TMEM181: variants seen among roughly 807,000 people sequenced by gnomAD.
TMEM181 encodes the protein G protein-coupled receptor 178.
TMEM181 carries 39 observed loss-of-function variants against 71.9 expected under a neutral mutation model. That is an observed-to-expected ratio of 0.54 (90% CI 0.42 to 0.71). The LOEUF (loss-of-function observed/expected upper bound fraction) is 0.71, where lower values mean the gene tolerates loss of function less well. Ranked by LOEUF, TMEM181 falls within the 30% of genes least tolerant of loss-of-function variation. The probability of loss-of-function intolerance (pLI) is 0.00; values close to 1 mark genes in which losing one functional copy is unlikely to be tolerated. For missense variants in TMEM181, 595 were observed against 583.0 expected (o/e 1.02, Z -0.21); for synonymous variants, 245 against 228.8 (o/e 1.07, Z -0.64).
chr6:158,542,054 C>T (rs375224317), intron 1 of TMEM181, among the ~76,000 whole-genome samples: 1 of 151,882 alleles, frequency 6.6e-6, no homozygotes. Context: ...TACAGGCATG[C>T]GCCACTATGC....
chr6:158,575,397 T>C (rs898589448), intron 2 of TMEM181, among the ~76,000 whole-genome samples: 42 of 152,116 alleles, frequency 2.8e-4, no homozygotes, highest in Non-Finnish European at 5.3e-4. Context: ...GGTGCAATCT[T>C]GGCTCACTGC....
intron 10 of TMEM181, among the ~76,000 whole-genome samples, chr6:158,617,987 G>A (rs1256041525): frequency 6.6e-6 from 1 of 152,182 alleles, no homozygotes; most frequent in Non-Finnish European, 1.5e-5. Flanking sequence ...GTAGATGTCT[G>A]TTAGACCTGC....
intron 2 of TMEM181, among the ~76,000 whole-genome samples, chr6:158,578,644 T>C (rs1195015312): frequency 6.6e-6 from 1 of 152,196 alleles, no homozygotes; most frequent in Admixed American, 6.5e-5. Flanking sequence ...TAGAGTGTTA[T>C]AACTTTAGGA....
intron 1 of TMEM181, among the ~76,000 whole-genome samples, chr6:158,546,131 A>T (rs562606564): frequency 2.0e-5 from 3 of 152,152 alleles, no homozygotes; most frequent in Non-Finnish European, 4.4e-5. Flanking sequence ...ATTACTTCCT[A>T]TTCCATCTGG....
At chr6:158,608,248 G>A in intron 8 of TMEM181, 85 bp from the exon 9 acceptor site, 1 of 1,542,048 alleles carries the variant, frequency 6.5e-7, no homozygotes, top group Non-Finnish European at 8.8e-7. Context: ...TCTGCTAGGT[G>A]CTGACCCCGC....
chr6:158,591,477 G>A (rs563600283), intron 6 of TMEM181, among the ~76,000 whole-genome samples: 1 of 152,148 alleles, frequency 6.6e-6, no homozygotes, highest in African/African-American at 2.4e-5. Context: ...CTGGGGTCTG[G>A]TCTTTGCTGT....
chr6:158,627,300 C>A (rs1029094027), intron 13 of TMEM181, among the ~76,000 whole-genome samples: 1 of 152,240 alleles, frequency 6.6e-6, no homozygotes, highest in African/African-American at 2.4e-5. Flanking sequence ...GCCATGTGAT[C>A]TCTCTTCACA....
intron 6 of TMEM181, among the ~76,000 whole-genome samples, chr6:158,598,893 C>T (rs959123445): frequency 6.6e-6 from 1 of 152,004 alleles, no homozygotes; most frequent in Admixed American, 6.6e-5. Context: ...GATCTCCTGA[C>T]CTCGTGATCC....
intron 8 of TMEM181, among the ~76,000 whole-genome samples, chr6:158,608,010 G>A (rs953976776): frequency 5.9e-5 from 9 of 152,242 alleles, no homozygotes; most frequent in African/African-American, 1.9e-4. Flanking sequence ...AGTGGCATAC[G>A]GCGCTCTGTC....
rs1583054310 is a variant in TMEM181, at chr6:158,625,030, G to A, written c.955-74G>A. The A allele has an allele frequency of 1.4e-5, 16 of 1,177,534 alleles. No individual in the cohort carries two copies. In the East Asian group the frequency reaches 3.5e-4, roughly 26 times the overall value. The allele number at this position is 1,177,534 out of a possible 1,614,324, so 72.9% of individuals were successfully genotyped here. A position where few individuals can be genotyped will look rare whatever the true frequency, so the allele number is the denominator to read the frequency against. On this transcript the variant is annotated intron_variant, in intron 11 of 16. Coordinates refer to ENST00000684151, the MANE Select transcript of TMEM181 (RefSeq NM_001376852.1). Reference sequence around the variant, plus strand: ...CCTTCTAAAAACCTGTGGCTTTCCTGCCTGTGGTGGTGCTGGGAGGAGAAG... The same window carrying A: ...CCTTCTAAAAACCTGTGGCTTTCCTACCTGTGGTGGTGCTGGGAGGAGAAG...
At chr6:158,626,541 C>T (rs969970196) in intron 13 of TMEM181, 2 of 456,384 alleles carry the variant, frequency 4.4e-6, no homozygotes, top group South Asian at 1.5e-5. Context: ...CTGGGAGTCC[C>T]CACCTTGTGG....
chr6:158,606,989 C>T lies in TMEM181; in HGVS notation c.574-255C>T, dbSNP rs141101061. ...CAGGGATTACGTTCCTTCTCCTTTC[C>T]TGCTCCTGTGAGGACAGCTCGGAAC... On this transcript the variant is annotated intron_variant, in intron 7 of 16. Coordinates refer to ENST00000684151, the MANE Select transcript of TMEM181 (RefSeq NM_001376852.1). 2.3e-4 allele frequency among the ~76,000 whole-genome samples: 35 copies of T among 152,334 alleles called. No individual in the cohort carries two copies. In the East Asian group the frequency reaches 6.4e-3, roughly 28 times the overall value.
At chr6:158,537,516 C>T (rs1048958956) in intron 1 of TMEM181, among the ~76,000 whole-genome samples, 1 of 152,100 alleles carries the variant, frequency 6.6e-6, no homozygotes, top group South Asian at 2.1e-4. Context: ...GACTGCAGAC[C>T]CTGGCGCCGG....
chr6:158,536,671 A>C (rs1035792632), exon 1 of TMEM181: 8 of 1,515,052 alleles, frequency 5.3e-6, no homozygotes, highest in Non-Finnish European at 7.1e-6. Context: ...GGGAGAAGAG[A>C]GGGGGCGCAG....
chr6:158,566,559 C>T (rs1422345105), intron 1 of TMEM181, among the ~76,000 whole-genome samples: 2 of 42,676 alleles, frequency 4.7e-5, no homozygotes, highest in Admixed American at 3.0e-4. Flanking sequence ...GGAGGTGATA[C>T]GGTGAGGGAG....
At chr6:158,550,663 G>GA (rs78160904) in intron 1 of TMEM181, among the ~76,000 whole-genome samples, 17 of 149,656 alleles carry the variant, frequency 1.1e-4, no homozygotes, top group Non-Finnish European at 1.8e-4. Flanking sequence ...TCAAAAAAAA[G>GA]AAAAAAAAAT....
intron 6 of TMEM181, among the ~76,000 whole-genome samples, chr6:158,590,768 G>T (rs1376404811): frequency 6.6e-6 from 1 of 152,208 alleles, no homozygotes; most frequent in African/African-American, 2.4e-5. Context: ...GGCCCATTCA[G>T]TGGTTTTTAG....
At chr6:158,610,309 C>T (rs1785222210) in intron 10 of TMEM181, 1 of 292,196 alleles carries the variant, frequency 3.4e-6, no homozygotes, top group Non-Finnish European at 6.9e-6. Flanking sequence ...GCCAAAGGCC[C>T]CCCAGACCAG....
intron 12 of TMEM181, among the ~76,000 whole-genome samples, chr6:158,625,447 G>A (rs1461479539): frequency 6.6e-6 from 1 of 152,100 alleles, no homozygotes; most frequent in Non-Finnish European, 1.5e-5. Flanking sequence ...TGCAGAGCAG[G>A]GCGAGTCACC....
Sources: gnomAD v4.1 joint callset for allele counts (sites outside exome capture counted in the v4.1 genomes callset) on GRCh38, gnomAD v4.1.1 for gene constraint, MANE v1.5 for transcripts, NCBI Gene and HGNC (gene_info 2026-07-23, HGNC 2026-07-21) for gene names.